Variants in CRADD observed in about 807,000 individuals in gnomAD.
CRADD encodes death domain-containing protein CRADD.
A neutral mutation model predicts 15.5 loss-of-function variants in CRADD; 9 were observed. The ratio of observed to expected loss-of-function variants is 0.58; its 90% CI spans 0.35 to 1.01. The LOEUF (loss-of-function observed/expected upper bound fraction) is 1.01. Among genes scored for constraint, CRADD ranks in the 50% least tolerant of loss-of-function variants. CRADD has a pLI of 0.02. For missense variants in CRADD, 227 were observed against 250.3 expected, an observed-to-expected ratio of 0.91 and a Z score of 0.63; for synonymous variants, 118 against 107.6, an observed-to-expected ratio of 1.10 and a Z score of -0.60.
intron 2 of CRADD, among the ~76,000 whole-genome samples, chr12:93,791,865 G>A (rs1446019699): frequency 6.7e-6 from 1 of 149,254 alleles, no homozygotes; most frequent in African/African-American, 2.5e-5. Flanking sequence ...TCAAAATAGA[G>A]GGAAGAAAAC....
intron 2 of CRADD, among the ~76,000 whole-genome samples, chr12:93,707,412 A>G (rs1441466875): frequency 2.0e-5 from 3 of 152,056 alleles, no homozygotes; most frequent in African/African-American, 7.2e-5. Context: ...GAATCTGGGG[A>G]TAGGGGATCC....
At position 93,839,896 on chromosome 12, in the gene CRADD, G is replaced by A. The variant is rs7969006; in HGVS notation, c.299-10074G>A. Among the ~76,000 whole-genome samples the A allele has an allele frequency of 2.0e-5, 3 of 151,924 alleles. No individual in the cohort carries two copies. The South Asian group carries it at 6.2e-4, about 31-fold the overall frequency. On this transcript the variant is annotated intron_variant, in intron 2 of 2. Transcript: ENST00000332896. ...CGTCTCCTTCATTGAGCAGAAATCC[G>A]TAATTTTGATATAAAAAATTTACCT...
rs557471375 is a variant in CRADD, at chr12:93,764,654, G to A, written c.299-85316G>A. Among the ~76,000 whole-genome samples, 3 of 152,094 alleles carry A rather than the reference G, an allele frequency of 2.0e-5. No homozygotes were observed. The East Asian group carries it at 5.8e-4, about 29-fold the overall frequency. ...CTCTGGAAATTGACCTTCCTGCTAG[G>A]GAAGAGATGGTGGTATCCTTATGAC... On this transcript the variant is annotated intron_variant, in intron 2 of 2. Transcript: ENST00000332896.
At chr12:93,846,230 G>T (rs1163442366) in intron 2 of CRADD, among the ~76,000 whole-genome samples, 1 of 152,200 alleles carries the variant, frequency 6.6e-6, no homozygotes, top group African/African-American at 2.4e-5. Flanking sequence ...GAATAACGCT[G>T]CTATGAACAT....
intron 2 of CRADD, among the ~76,000 whole-genome samples, chr12:93,863,376 G>A (rs1277328024): frequency 1.3e-5 from 2 of 152,134 alleles, no homozygotes; most frequent in Non-Finnish European, 2.9e-5. Flanking sequence ...GTTCTCATTT[G>A]CTTACTGTGG....
chr12:93,731,099 GA>G (rs1398236751), intron 2 of CRADD, among the ~76,000 whole-genome samples: 1 of 152,116 alleles, frequency 6.6e-6, no homozygotes, highest in Non-Finnish European at 1.5e-5. Context: ...CTTTATATTT[GA>G]AAAACTCCAA....
intron 2 of CRADD, among the ~76,000 whole-genome samples, chr12:93,768,553 T>A (rs1412942085): frequency 2.0e-5 from 3 of 151,954 alleles, no homozygotes; most frequent in Non-Finnish European, 4.4e-5. Flanking sequence ...TAACTTCTGA[T>A]CCTAAATGTG....
chr12:93,751,864 A>G (rs1956832417), intron 2 of CRADD, among the ~76,000 whole-genome samples: 1 of 152,220 alleles, frequency 6.6e-6, no homozygotes, highest in South Asian at 2.1e-4. Context: ...CTCTGTTTCA[A>G]AAACACAAAC....
intron 2 of CRADD, among the ~76,000 whole-genome samples, chr12:93,759,388 A>G (rs970363663): frequency 6.6e-6 from 1 of 151,920 alleles, no homozygotes; most frequent in African/African-American, 2.4e-5. Flanking sequence ...AAAGTTTACA[A>G]ACTTCCTTTC....
intron 2 of CRADD, among the ~76,000 whole-genome samples, chr12:93,752,001 T>C (rs183134428): frequency 2.2e-4 from 34 of 152,340 alleles, no homozygotes; most frequent in Non-Finnish European, 3.7e-4. Context: ...GTGGAGGTAG[T>C]CGGGCCGGCA....
intron 2 of CRADD, among the ~76,000 whole-genome samples, chr12:93,684,027 G>A (rs1955379156): frequency 6.6e-6 from 1 of 152,188 alleles, no homozygotes; most frequent in African/African-American, 2.4e-5. Flanking sequence ...GGTAAAGGGA[G>A]AGTCTGCAGA....
At chr12:93,817,570 C>G (rs1297285079) in intron 2 of CRADD, among the ~76,000 whole-genome samples, 3 of 152,064 alleles carry the variant, frequency 2.0e-5, no homozygotes, top group Admixed American at 1.3e-4. Flanking sequence ...CCTGCCTGCC[C>G]CTTCTTAGTC....
At chr12:93,836,553 T>C (rs1331561927) in intron 2 of CRADD, among the ~76,000 whole-genome samples, 1 of 152,176 alleles carries the variant, frequency 6.6e-6, no homozygotes, top group African/African-American at 2.4e-5. Context: ...ACCTTGACAA[T>C]ATTTTACCAT....
chr12:93,686,441 T>G (rs1274545506), intron 2 of CRADD, among the ~76,000 whole-genome samples: 2 of 151,942 alleles, frequency 1.3e-5, no homozygotes, highest in African/African-American at 4.8e-5. Context: ...CTGGCTGGCA[T>G]AGTTAAAGCA....
chr12:93,685,355 A>G (rs139296563), intron 2 of CRADD, among the ~76,000 whole-genome samples: 183 of 152,284 alleles, frequency 1.2e-3, no homozygotes, highest in African/African-American at 4.1e-3. Context: ...AATAAGTTCT[A>G]ATGTCCTAGC....
chr12:93,718,838 C>T (rs1397462297), intron 2 of CRADD, among the ~76,000 whole-genome samples: 5 of 151,910 alleles, frequency 3.3e-5, no homozygotes, highest in African/African-American at 1.2e-4. Flanking sequence ...TGGCTCACTG[C>T]AGCCTTGATC....
At chr12:93,831,820 G>A (rs1957907378) in intron 2 of CRADD, among the ~76,000 whole-genome samples, 1 of 152,244 alleles carries the variant, frequency 6.6e-6, no homozygotes, top group South Asian at 2.1e-4. Flanking sequence ...ATCACATGCA[G>A]TCAGGTCACT....
At chr12:93,716,367 T>C (rs996524795) in intron 2 of CRADD, among the ~76,000 whole-genome samples, 9 of 152,172 alleles carry the variant, frequency 5.9e-5, no homozygotes, top group Admixed American at 2.6e-4. Flanking sequence ...GATGAACTTA[T>C]ATTGACACAT....
intron 2 of CRADD, among the ~76,000 whole-genome samples, chr12:93,742,577 C>T (rs1028077081): frequency 6.6e-6 from 1 of 152,128 alleles, no homozygotes; most frequent in Admixed American, 6.5e-5. Context: ...GAGCGATCAG[C>T]TTGTCCTCAC....
Sources: gnomAD v4.1 joint callset for allele counts (sites outside exome capture counted in the v4.1 genomes callset) on GRCh38, gnomAD v4.1.1 for gene constraint, MANE v1.5 for transcripts, NCBI Gene and HGNC (gene_info 2026-07-23, HGNC 2026-07-21) for gene names.